Variants in DAAM2 observed in about 807,000 individuals in gnomAD.
DAAM2 encodes the protein disheveled-associated activator of morphogenesis 2.
DAAM2 carries 39 observed loss-of-function variants against 120.7 expected under a neutral mutation model. That is an observed-to-expected ratio of 0.32 (90% confidence interval 0.25 to 0.42). The LOEUF (loss-of-function observed/expected upper bound fraction) is 0.42. Among genes scored for constraint, DAAM2 ranks in the 10% least tolerant of loss-of-function variants. The pLI, the probability that DAAM2 is intolerant of heterozygous loss-of-function variation, is 1.00. For synonymous variants in DAAM2, 488 were observed against 524.9 expected, an observed-to-expected ratio of 0.93 and a Z score of 0.96; for missense variants, 1,283 against 1,401.7, an observed-to-expected ratio of 0.92 and a Z score of 1.35.
At chr6:39,818,171 T>C (rs1762365812) in intron 1 of DAAM2, among the ~76,000 whole-genome samples, 1 of 130,112 alleles carries the variant, frequency 7.7e-6, no homozygotes, top group Non-Finnish European at 1.6e-5. Context: ...AGAGTGAAAC[T>C]GCATCTCAAT....
rs570509800 is a variant in DAAM2 at position 39,846,524 on chromosome 6, T to C, written c.-56-9723T>C. On this transcript the variant is annotated intron_variant, in intron 1 of 24. Transcript: ENST00000274867. ...CCCTATGTTGGACTTCTGTTCTTGA[T>C]CTTTGGTAGCATCTCTGAGTATTCC... Among the ~76,000 whole-genome samples the C allele has an allele frequency of 2.6e-5, 4 of 152,282 alleles. No homozygotes were observed. The South Asian group carries it at 8.3e-4, about 32-fold the overall frequency.
At chr6:39,829,964 C>T (rs1328246567) in intron 1 of DAAM2, among the ~76,000 whole-genome samples, 2 of 152,196 alleles carry the variant, frequency 1.3e-5, no homozygotes, top group African/African-American at 4.8e-5. Flanking sequence ...CCTCCTTCCC[C>T]ACGCTGAGTT....
intron 3 of DAAM2, chr6:39,862,395 A>C (rs917897479): frequency 1.3e-5 from 2 of 152,198 alleles, no homozygotes; most frequent in Non-Finnish European, 2.9e-5. Context: ...GAAGGAAGGA[A>C]AGAAATTTCA....
intron 1 of DAAM2, among the ~76,000 whole-genome samples, chr6:39,795,354 A>G (rs921282763): frequency 1.2e-4 from 18 of 152,212 alleles, no homozygotes; most frequent in Non-Finnish European, 2.5e-4. Context: ...ATTCAGCCCT[A>G]GACTTCAGAG....
chr6:39,798,125 T>A (rs901969526), intron 1 of DAAM2, among the ~76,000 whole-genome samples: 4 of 152,198 alleles, frequency 2.6e-5, no homozygotes, highest in Non-Finnish European at 5.9e-5. Context: ...ATCCCAGACA[T>A]GAACAGAGCA....
At chr6:39,873,410 C>A in intron 10 of DAAM2, 55 bp downstream of exon 10, 1 of 1,253,074 alleles carries the variant, frequency 8.0e-7, no homozygotes, top group South Asian at 1.3e-5. Flanking sequence ...TGACTTGGGG[C>A]AGGTTTAGAC....
At position 39,879,320 on chromosome 6, in the gene DAAM2, G is replaced by A; in HGVS notation, c.1688G>A (p.Gly563Glu). ...PPPPPPPLPP[G>E]GPPTPPGAPP... ...CCCCCACCACCACCCCTTCCTCCCG[G>A]GGGACCCCCGACTCCCCCAGGTGCC... The change falls in exon 14 of 25, where the codon GGG becomes GAG. Residue 563 changes from glycine to glutamate, a missense_variant. Gly to Glu is a moderately conservative substitution (Grantham distance 98, BLOSUM62 -2). This residue lies in a region of DAAM2 where 748 missense variants were observed against 768.6 expected (regional missense o/e 0.97). Coordinates refer to ENST00000274867, the MANE Select transcript of DAAM2 (RefSeq NM_001201427.2). The A allele has an allele frequency of 6.4e-7, 1 of 1,564,394 alleles. No homozygotes were observed. The highest frequency in any genetic ancestry group is 1.1e-5 in the South Asian group (1 of 87,648).
intron 1 of DAAM2, among the ~76,000 whole-genome samples, chr6:39,849,331 T>C (rs1763719279): frequency 6.6e-6 from 1 of 152,188 alleles, no homozygotes; most frequent in African/African-American, 2.4e-5. Flanking sequence ...TATAGTAATA[T>C]GTAAAACTAA....
intron 21 of DAAM2, 21 bp downstream of exon 21, chr6:39,897,303 T>C (rs759947046): frequency 1.6e-5 from 23 of 1,456,416 alleles, no homozygotes; most frequent in Admixed American, 3.3e-5. Flanking sequence ...TCTCCAAGAC[T>C]TCCTTCTCCC....
intron 7 of DAAM2, among the ~76,000 whole-genome samples, chr6:39,869,179 G>A (rs2149310591): frequency 6.6e-6 from 1 of 152,098 alleles, no homozygotes; most frequent in East Asian, 1.9e-4. Context: ...TTTATGGAGA[G>A]CTGTTTCTGG....
chr6:39,881,417 T>C (rs1765111746), intron 14 of DAAM2, among the ~76,000 whole-genome samples: 1 of 152,258 alleles, frequency 6.6e-6, no homozygotes, highest in Non-Finnish European at 1.5e-5. Context: ...GCAATAATAA[T>C]GTCCATCTCA....
At position 39,878,605 on chromosome 6, in the gene DAAM2, C is replaced by T. The variant is rs1354467760; in HGVS notation, c.1545+17C>T. ...GAACTCTCAGTATGCAAGCATCTCC[C>T]CCTTTACATAGTTGAGCCAAGACCC... On this transcript the variant is annotated intron_variant, in intron 13 of 24. Coordinates refer to ENST00000274867, the MANE Select transcript of DAAM2 (RefSeq NM_001201427.2). This position sits in a 1 kb window ranked among gnomAD's most constrained non-coding sequence, Gnocchi z 5.0. 1.9e-6 allele frequency: 3 copies of T among 1,591,066 alleles called. No individual in the cohort carries two copies. The highest frequency in any genetic ancestry group is 2.6e-6 in the Non-Finnish European group (3 of 1,169,524).
At chr6:39,797,771 A>T (rs1487807510) in intron 1 of DAAM2, among the ~76,000 whole-genome samples, 1 of 152,242 alleles carries the variant, frequency 6.6e-6, no homozygotes, top group East Asian at 1.9e-4. Flanking sequence ...TTTAAGCCCT[A>T]TGAGGGTGCA....
chr6:39,875,418 C>T lies in DAAM2; in HGVS notation c.1251C>T (p.Asp417=). 5.6e-6 allele frequency: 9 copies of T among 1,613,954 alleles called. No individual in the cohort carries two copies. The highest frequency in any genetic ancestry group is 7.6e-6 in the Non-Finnish European group (9 of 1,179,874). ...QIVLQDERGV[D]PDLAPLENFN... ...TCCTCCAGGATGAGCGGGGTGTGGA[C>T]CCTGACCTGGCTCCCTTGGAGAACT... Residue 417 remains aspartate (D), a synonymous_variant, in exon 11 of 25, where the codon GAC becomes GAT. Coordinates refer to ENST00000274867, the MANE Select transcript of DAAM2 (RefSeq NM_001201427.2).
At chr6:39,892,522 G>A (rs747624512) in intron 19 of DAAM2, among the ~76,000 whole-genome samples, 3 of 152,304 alleles carry the variant, frequency 2.0e-5, no homozygotes, top group South Asian at 2.1e-4. Flanking sequence ...AGGGAGGGGC[G>A]TGGAGTTGTT....
intron 23 of DAAM2, among the ~76,000 whole-genome samples, chr6:39,900,798 A>G (rs1766431550): frequency 6.6e-6 from 1 of 152,138 alleles, no homozygotes; most frequent in Non-Finnish European, 1.5e-5. Flanking sequence ...TGAATTAACA[A>G]TGGTAGCTCT....
At chr6:39,857,542 C>T (rs937628293) in intron 2 of DAAM2, among the ~76,000 whole-genome samples, 4 of 152,142 alleles carry the variant, frequency 2.6e-5, no homozygotes, top group East Asian at 1.9e-4. Flanking sequence ...GGGGGCAAAG[C>T]GTTTGCTAGT....
intron 1 of DAAM2, among the ~76,000 whole-genome samples, chr6:39,846,926 T>A (rs1367704544): frequency 6.6e-6 from 1 of 152,220 alleles, no homozygotes; most frequent in Non-Finnish European, 1.5e-5. Context: ...ACCCTGGATC[T>A]ACATTTTCAA....
chr6:39,833,003 G>T (rs1473495793), intron 1 of DAAM2, among the ~76,000 whole-genome samples: 1 of 152,150 alleles, frequency 6.6e-6, no homozygotes, highest in Non-Finnish European at 1.5e-5. Context: ...CCCGAGGGCA[G>T]CCCCCAGGTA....
Sources: gnomAD v4.1 joint callset for allele counts (sites outside exome capture counted in the v4.1 genomes callset) on GRCh38, gnomAD v4.1.1 for gene constraint, gnomAD v4.1.1 regional missense constraint, Gnocchi (gnomAD v3.1) non-coding constraint, MANE v1.5 for transcripts, NCBI Gene and HGNC (gene_info 2026-07-23, HGNC 2026-07-21) for gene names.